The following RBM19 variants were observed in gnomAD, a reference collection of about 807,000 sequenced individuals.
RBM19 encodes the protein RNA binding motif protein 19.
In RBM19, 94 loss-of-function variants were observed where a neutral mutation model predicts 116.8. The ratio of observed to expected loss-of-function variants is 0.80; its 90% CI spans 0.68 to 0.95. The LOEUF (loss-of-function observed/expected upper bound fraction) is 0.95. Ranked by LOEUF, RBM19 falls within the 40% of genes least tolerant of loss-of-function variation. The pLI is 0.00. For missense variants in RBM19, 1,161 were observed against 1,220.7 expected (o/e 0.95, Z 0.73); for synonymous variants, 475 against 494.1 (o/e 0.96, Z 0.51).
intron 21 of RBM19, among the ~76,000 whole-genome samples, chr12:113,866,785 T>TA (rs1034714104): frequency 3.9e-5 from 6 of 152,226 alleles, no homozygotes; most frequent in African/African-American, 1.4e-4. Flanking sequence ...CCAAGCTAGA[T>TA]AGCCAGGTGG....
chr12:113,860,033 G>A (rs1878237285), intron 21 of RBM19, among the ~76,000 whole-genome samples: 2 of 152,182 alleles, frequency 1.3e-5, no homozygotes, highest in Non-Finnish European at 2.9e-5. Flanking sequence ...GTGTAAATGC[G>A]GCATTATGAA....
At chr12:113,925,679 T>C (rs1300410975) in intron 17 of RBM19, among the ~76,000 whole-genome samples, 3 of 152,164 alleles carry the variant, frequency 2.0e-5, no homozygotes, top group Non-Finnish European at 2.9e-5. Flanking sequence ...CTGGCCTCTC[T>C]GAAGCTCAGT....
At chr12:113,946,271 A>G in intron 12 of RBM19, 83 bp downstream of exon 12, 3 of 1,586,210 alleles carry the variant, frequency 1.9e-6, no homozygotes, top group Non-Finnish European at 2.6e-6. Context: ...AGGAGTCAGA[A>G]GACCCAGGTG....
intron 15 of RBM19, 38 bp downstream of exon 15, chr12:113,939,921 TC>T (rs748157749): frequency 8.1e-6 from 13 of 1,603,822 alleles, no homozygotes; most frequent in Middle Eastern, 3.3e-4. Context: ...CCCTCACTGG[TC>T]CTTCTCCAGA....
intron 21 of RBM19, among the ~76,000 whole-genome samples, chr12:113,872,335 C>T (rs999316568): frequency 1.3e-5 from 2 of 151,080 alleles, no homozygotes; most frequent in Non-Finnish European, 3.0e-5. Context: ...CCGGCAGCCG[C>T]CCCGTCTGAG....
chr12:113,835,697 T>C (rs1472095400), intron 23 of RBM19, among the ~76,000 whole-genome samples: 3 of 152,198 alleles, frequency 2.0e-5, no homozygotes, highest in African/African-American at 7.2e-5. Flanking sequence ...ACTCTGCTCA[T>C]AGATCTCCCG....
chr12:113,947,712 A>C (rs182265997), intron 10 of RBM19, among the ~76,000 whole-genome samples: 4 of 152,360 alleles, frequency 2.6e-5, no homozygotes, highest in Admixed American at 2.6e-4. Flanking sequence ...TCTGTAAAAC[A>C]GCACAACAGT....
At chr12:113,841,622 A>C (rs1876484621) in intron 23 of RBM19, among the ~76,000 whole-genome samples, 1 of 151,894 alleles carries the variant, frequency 6.6e-6, no homozygotes, top group African/African-American at 2.4e-5. Flanking sequence ...ACGGGGTTTC[A>C]CCATGTTGGC....
At chr12:113,864,942 T>C (rs1878693885) in intron 21 of RBM19, among the ~76,000 whole-genome samples, 1 of 152,140 alleles carries the variant, frequency 6.6e-6, no homozygotes, top group African/African-American at 2.4e-5. Flanking sequence ...TTCATGAATA[T>C]CTGTCAGTCA....
chr12:113,874,256 A>AATT (rs559233312), intron 21 of RBM19, among the ~76,000 whole-genome samples: 46 of 152,248 alleles, frequency 3.0e-4, no homozygotes, highest in Middle Eastern at 3.4e-3. Context: ...GCCCACTAAA[A>AATT]AGTGTCTGTG....
intron 14 of RBM19, among the ~76,000 whole-genome samples, chr12:113,941,203 C>A (rs528301499): frequency 3.5e-4 from 54 of 152,286 alleles, no homozygotes; most frequent in African/African-American, 1.2e-3. Context: ...CACAAGGTTA[C>A]TATGAGGATT....
intron 21 of RBM19, among the ~76,000 whole-genome samples, chr12:113,895,619 C>G (rs1593546935): frequency 6.6e-6 from 1 of 152,090 alleles, no homozygotes; most frequent in African/African-American, 2.4e-5. Flanking sequence ...GTACAAAATG[C>G]AAAGACAAAG....
intron 21 of RBM19, among the ~76,000 whole-genome samples, chr12:113,878,725 G>C (rs886197072): frequency 6.7e-6 from 1 of 149,902 alleles, no homozygotes; most frequent in Non-Finnish European, 1.5e-5. Context: ...GCCGCCCAAG[G>C]TCACCTATGC....
intron 21 of RBM19, among the ~76,000 whole-genome samples, chr12:113,872,035 G>C (rs1256679583): frequency 6.8e-6 from 1 of 147,402 alleles, no homozygotes; most frequent in African/African-American, 2.5e-5. Context: ...AGTCTGGAAA[G>C]TGAGGAGCGT....
rs989936637 is a variant in RBM19, at chr12:113,957,843, C to T, written c.779G>A (p.Gly260Asp). ...TGGCATCCCTTGCTCTTGGCCTGCA[C>T]CCTTGCTGTCTCTTTCCTGCAGGAC... ...TPVLQERDSK[G>D]AGQEQGMPAG... Residue 260 changes from glycine to aspartate, a missense_variant, in exon 6 of 24, where the codon GGT (glycine) becomes GAT (aspartate). Transcript: ENST00000261741. The T allele has an allele frequency of 1.9e-6, 3 of 1,613,802 alleles. No homozygotes were observed. In the African/African-American group the frequency reaches 4.0e-5, roughly 22 times the overall value.
At chr12:113,866,780 C>A (rs1240342652) in intron 21 of RBM19, among the ~76,000 whole-genome samples, 1 of 152,224 alleles carries the variant, frequency 6.6e-6, no homozygotes, top group East Asian at 1.9e-4. Flanking sequence ...CAGCCCCAAG[C>A]TAGATAGCCA....
At chr12:113,935,732 T>A (rs938853429) in intron 16 of RBM19, among the ~76,000 whole-genome samples, 1 of 152,116 alleles carries the variant, frequency 6.6e-6, no homozygotes, top group East Asian at 1.9e-4. Context: ...TACAGCAAAG[T>A]CTATTCCACT....
At chr12:113,836,360 AC>A (rs1875887375) in intron 23 of RBM19, among the ~76,000 whole-genome samples, 1 of 152,194 alleles carries the variant, frequency 6.6e-6, no homozygotes, top group Non-Finnish European at 1.5e-5. Flanking sequence ...ACTCAGGCCA[AC>A]TTTTACAATG....
At chr12:113,862,384 T>C (rs1878467293) in intron 21 of RBM19, among the ~76,000 whole-genome samples, 1 of 152,104 alleles carries the variant, frequency 6.6e-6, no homozygotes, top group African/African-American at 2.4e-5. Flanking sequence ...TGGTTGCTTG[T>C]ATAACGGTGT....
Sources: allele counts gnomAD v4.1 joint callset (sites outside exome capture counted in the v4.1 genomes callset), GRCh38; gene constraint gnomAD v4.1.1; transcripts MANE v1.5; gene names NCBI Gene and HGNC (gene_info 2026-07-23, HGNC 2026-07-21).